Variants in MLLT6 observed in about 807,000 individuals in gnomAD.
MLLT6 encodes MLLT6, PHD finger containing, also known as protein AF-17.
In MLLT6, 22 loss-of-function variants were observed where a neutral mutation model predicts 103.0. The ratio of observed to expected loss-of-function variants is 0.21; its 90% CI spans 0.15 to 0.31. MLLT6 has a LOEUF of 0.31. Ranked by LOEUF, MLLT6 falls within the 10% of genes least tolerant of loss-of-function variation. MLLT6 has a pLI of 1.00. For synonymous variants in MLLT6, 606 were observed against 623.5 expected, an observed-to-expected ratio of 0.97 and a Z score of 0.42; for missense variants, 1,199 against 1,441.7, an observed-to-expected ratio of 0.83 and a Z score of 2.73.
In MLLT6 at chr17:38,707,468, G is replaced by A. The variant is rs1315252522; in HGVS notation, c.190-18G>A. ...GCTCAGCAGATCCCCCAACCCCTGT[G>A]CACTCTTGCATTGGCAGAGGTGTGA... On this transcript the variant is annotated intron_variant, in intron 2 of 19. Transcript: ENST00000621332. 3 of 1,613,888 alleles carry A rather than the reference G, an allele frequency of 1.9e-6. No homozygotes were observed. The highest frequency in any genetic ancestry group is 2.2e-5 in the South Asian group (2 of 91,074).
intron 2 of MLLT6, among the ~76,000 whole-genome samples, chr17:38,707,264 G>A (rs1179450993): frequency 6.6e-6 from 1 of 152,114 alleles, no homozygotes; most frequent in East Asian, 1.9e-4. Context: ...TTTTTATTAT[G>A]GGAAGTTTCC....
Position 38,717,578 on chromosome 17 carries a change from C to T in MLLT6, c.1798C>T (p.Leu600Phe). Reference protein sequence around the residue: ...RLSRSPFTSTLPSSSASISTT... With the variant: ...RLSRSPFTSTFPSSSASISTT... ...CAGCCGCTCCCCGTTCACCAGCACC[C>T]TCCCCTCCTCTTCTGCTTCTATCTC... is the stretch of plus-strand genomic sequence containing the variant. Residue 600 changes from leucine to phenylalanine, a missense_variant, in exon 11 of 20, where the codon CTC becomes TTC. Leu to Phe is a conservative substitution (Grantham distance 22, BLOSUM62 0). This residue lies in a region of MLLT6 where 1,034 missense variants were observed against 1,091.5 expected (regional missense o/e 0.95). Coordinates refer to ENST00000621332, the MANE Select transcript of MLLT6 (RefSeq NM_005937.4). The T allele has an allele frequency of 6.2e-7, 1 of 1,613,956 alleles. No individual in the cohort carries two copies. Among genetic ancestry groups the T allele is most frequent in the South Asian group, 1.1e-5 (1 of 91,078 alleles).
intron 7 of MLLT6, among the ~76,000 whole-genome samples, chr17:38,712,434 C>T (rs541768431): frequency 4.7e-4 from 72 of 152,316 alleles, no homozygotes; most frequent in African/African-American, 1.6e-3. Context: ...TGTTCACGCG[C>T]GTGGTGCTCT....
intron 4 of MLLT6, 168 bp downstream of exon 4, chr17:38,708,040 C>G (rs1468977047): frequency 1.7e-6 from 1 of 600,920 alleles, no homozygotes; most frequent in Non-Finnish European, 3.0e-6. Flanking sequence ...CAGACACACT[C>G]ATGCTCTGGC....
chr17:38,709,982 G>T lies in MLLT6; in HGVS notation c.552+407G>T, dbSNP rs1012442616. Among the ~76,000 whole-genome samples, 1 of 152,192 alleles carries T rather than the reference G, an allele frequency of 6.6e-6. No individual in the cohort carries two copies. The highest frequency in any genetic ancestry group is 1.5e-5 in the Non-Finnish European group (1 of 68,038). On this transcript the variant is annotated intron_variant, in intron 6 of 19. Coordinates refer to ENST00000621332, the MANE Select transcript of MLLT6 (RefSeq NM_005937.4). This position sits in a 1 kb window ranked among gnomAD's most constrained non-coding sequence, Gnocchi z 4.3. ...TCCCCCCACCAACCCTAAGAACTAG[G>T]TGTGCTATATTTTCCCCATTTTACA...
intron 8 of MLLT6, 61 bp from the exon 9 acceptor site, chr17:38,715,551 C>G (rs531506224): frequency 6.6e-7 from 1 of 1,526,710 alleles, no homozygotes; most frequent in East Asian, 2.3e-5. Context: ...TTCACTCCCA[C>G]ATCAGGATCA....
chr17:38,710,586 G>A (rs1464015844), intron 6 of MLLT6, among the ~76,000 whole-genome samples: 4 of 152,102 alleles, frequency 2.6e-5, no homozygotes, highest in Admixed American at 6.6e-5. Flanking sequence ...TTGCCTAATC[G>A]TGGGAGTGGC....
intron 17 of MLLT6, 117 bp downstream of exon 17, chr17:38,722,344 CAG>C: frequency 2.6e-6 from 2 of 773,060 alleles, no homozygotes; most frequent in Non-Finnish European, 3.8e-6. Context: ...TCTGGTCTCA[CAG>C]GGTATATAAT....
At chr17:38,713,093 C>T (rs749405002) in intron 8 of MLLT6, 13 of 746,734 alleles carry the variant, frequency 1.7e-5, no homozygotes, top group Non-Finnish European at 3.3e-5. Flanking sequence ...GGCACTCAGG[C>T]CTGCTCTCCA....
At chr17:38,720,780 G>C (rs745801266) in intron 16 of MLLT6, 33 bp downstream of exon 16, 4 of 1,594,084 alleles carry the variant, frequency 2.5e-6, no homozygotes, top group Non-Finnish European at 3.4e-6. Context: ...CAGGAAGGAG[G>C]GGGAGACTCA....
At chr17:38,710,611 TG>T (rs1905112315) in intron 6 of MLLT6, among the ~76,000 whole-genome samples, 1 of 151,484 alleles carries the variant, frequency 6.6e-6, no homozygotes, top group Non-Finnish European at 1.5e-5. Context: ...AAGTAGGAGT[TG>T]GGGGTGACAT....
intron 6 of MLLT6, among the ~76,000 whole-genome samples, chr17:38,710,315 CTG>C (rs1472440826): frequency 6.6e-6 from 1 of 152,060 alleles, no homozygotes; most frequent in Non-Finnish European, 1.5e-5. Flanking sequence ...TACTCTGTGT[CTG>C]TGTTTGTGGA....
In MLLT6 at chr17:38,727,215, C is replaced by T. The variant is rs1253742483; in HGVS notation, c.*1617C>T. The T allele has an allele frequency of 7.4e-5, 17 of 229,672 alleles. No homozygotes were observed. The highest frequency in any genetic ancestry group is 1.3e-4 in the Non-Finnish European group (15 of 116,900). The allele number at this position is 229,672 out of a possible 1,614,324, so 14.2% of individuals were successfully genotyped here. A position where few individuals can be genotyped will look rare whatever the true frequency, so the allele number is the denominator to read the frequency against. ...AAACGTAGTGCAGATATATTTTTGCCTGTGCTGCTCAACTGTTTTTTTTTT... is the reference window on the plus strand; with the variant it reads ...AAACGTAGTGCAGATATATTTTTGCTTGTGCTGCTCAACTGTTTTTTTTTT... On this transcript the variant is annotated 3_prime_UTR_variant, in exon 20 of 20. Coordinates refer to ENST00000621332, the MANE Select transcript of MLLT6 (RefSeq NM_005937.4).
chr17:38,719,737 CCT>C lies in MLLT6; in HGVS notation c.2010-10_2010-9del. ...GGTCGGGTCGACTGAACCCAGGTTC[CCT>C]CTGGCCGCAGGTCCCCCATCAGCAG... On this transcript the variant is annotated splice_polypyrimidine_tract_variant and intron_variant, in intron 13 of 19. Coordinates refer to ENST00000621332, the MANE Select transcript of MLLT6 (RefSeq NM_005937.4). 2 of 1,604,100 alleles carry C rather than the reference CCT, an allele frequency of 1.2e-6. No homozygotes were observed. The highest frequency in any genetic ancestry group is 1.7e-6 in the Non-Finnish European group (2 of 1,173,554).
rs1300504360 is a variant in MLLT6, at chr17:38,716,876, G to A, written c.1546G>A (p.Gly516Arg). ...CGCCACTGCTGCCTCACCCTTCTCT[G>A]GAGGTTCCCTGGTCAGCTCCGGCCT... The part of the protein sequence containing the change: ...FTATAASPFS[G>R]GSLVSSGLGG... The change falls in exon 10 of 20, where the codon GGA (glycine) becomes AGA (arginine). Residue 516 changes from glycine (G) to arginine (R), a missense_variant. Physicochemically the swap from Gly to Arg is moderately radical, Grantham distance 125 (BLOSUM62 -2). Coordinates refer to ENST00000621332, the MANE Select transcript of MLLT6 (RefSeq NM_005937.4). This position sits in a 1 kb window ranked among gnomAD's most constrained non-coding sequence, Gnocchi z 5.6. 6.2e-7 allele frequency: 1 copy of A among 1,613,556 alleles called. No individual in the cohort carries two copies. The highest frequency in any genetic ancestry group is 1.3e-5 in the African/African-American group (1 of 74,922).
chr17:38,710,569 G>A (rs949138130), intron 6 of MLLT6, among the ~76,000 whole-genome samples: 1 of 152,122 alleles, frequency 6.6e-6, no homozygotes, highest in African/African-American at 2.4e-5. Flanking sequence ...ACCATTTCTA[G>A]GGAGACTTGC....
In MLLT6 at chr17:38,719,780, C is replaced by A; in HGVS notation, c.2040C>A (p.Phe680Leu). ...CCATCAGCAGCCTCCCCGCACTCTT[C>A]GACCAGACAGCCTCTGCACCCTGTG... is the stretch of plus-strand genomic sequence containing the variant. ...MSPISSLPAL[F>L]DQTASAPCGG... Residue 680 changes from phenylalanine (F) to leucine (L), a missense_variant, in exon 14 of 20, where the codon TTC (phenylalanine) becomes TTA (leucine). By Grantham distance (22) the Phe-to-Leu change is conservative. Coordinates refer to ENST00000621332, the MANE Select transcript of MLLT6 (RefSeq NM_005937.4). The A allele has an allele frequency of 3.7e-6, 6 of 1,613,340 alleles. No homozygotes were observed. The highest frequency in any genetic ancestry group is 5.1e-6 in the Non-Finnish European group (6 of 1,179,802).
At chr17:38,705,921 G>C in intron 1 of MLLT6, 180 bp downstream of exon 1, 1 of 275,814 alleles carries the variant, frequency 3.6e-6, no homozygotes, top group Non-Finnish European at 6.7e-6. Flanking sequence ...GTCAGGCATT[G>C]TTTTCTTGCC....
At chr17:38,722,821 C>T in intron 18 of MLLT6, 53 bp downstream of exon 18, 2 of 1,350,124 alleles carry the variant, frequency 1.5e-6, no homozygotes, top group Non-Finnish European at 2.1e-6. Flanking sequence ...CCTGGAAGGG[C>T]ACATCTCAGA....
Sources: gnomAD v4.1 joint callset for allele counts (sites outside exome capture counted in the v4.1 genomes callset) on GRCh38, gnomAD v4.1.1 for gene constraint, gnomAD v4.1.1 regional missense constraint, Gnocchi (gnomAD v3.1) non-coding constraint, MANE v1.5 for transcripts, NCBI Gene and HGNC (gene_info 2026-07-23, HGNC 2026-07-21) for gene names.